Variants in AKAP12 observed in about 807,000 individuals in gnomAD.
AKAP12 encodes the protein A-kinase anchor protein 12.
AKAP12 carries 32 observed loss-of-function variants against 79.9 expected under a neutral mutation model. The observed-to-expected ratio is 0.40, with a 90% CI of 0.30 to 0.54. The LOEUF (loss-of-function observed/expected upper bound fraction) is 0.54, where lower values mean the gene tolerates loss of function less well. Among genes scored for constraint, AKAP12 ranks in the 20% least tolerant of loss-of-function variants. The probability of loss-of-function intolerance (pLI) is 0.48; values close to 1 mark genes in which losing one functional copy is unlikely to be tolerated. For missense variants in AKAP12, 2,074 were observed against 2,177.0 expected, an observed-to-expected ratio of 0.95 and a Z score of 0.94; for synonymous variants, 808 against 857.0, an observed-to-expected ratio of 0.94 and a Z score of 1.00.
intron 3 of AKAP12, among the ~76,000 whole-genome samples, chr6:151,329,520 A>G (rs1777616974): frequency 6.6e-6 from 1 of 152,262 alleles, no homozygotes; most frequent in Non-Finnish European, 1.5e-5. Flanking sequence ...AAACAGGGAC[A>G]TTATTCTTTA....
intron 2 of AKAP12, among the ~76,000 whole-genome samples, chr6:151,256,840 G>T (rs1322084761): frequency 1.3e-5 from 2 of 151,550 alleles, no homozygotes; most frequent in Non-Finnish European, 2.9e-5. Context: ...AGTAGAGACG[G>T]GTTTTACCAT....
At position 151,357,676 on chromosome 6, in the gene AKAP12, C is replaced by G. The variant is rs1778476272; in HGVS notation, c.*1962C>G. On this transcript the variant is annotated 3_prime_UTR_variant, in exon 5 of 5. Coordinates refer to ENST00000402676, the MANE Select transcript of AKAP12 (RefSeq NM_005100.4). Reference sequence around the variant, plus strand: ...TACCCATGCATCATTATTAAAATCCCCAAATTCAAAAAACCTCTGATATAT... The same window carrying G: ...TACCCATGCATCATTATTAAAATCCGCAAATTCAAAAAACCTCTGATATAT... 1 of 150,094 alleles carries G rather than the reference C, an allele frequency of 6.7e-6. No homozygotes were observed. Among genetic ancestry groups the G allele is most frequent in the African/African-American group, 2.4e-5 (1 of 41,006 alleles). The allele number at this position is 150,094 out of a possible 1,614,324, so 9.3% of individuals were successfully genotyped here. A position where few individuals can be genotyped will look rare whatever the true frequency, so the allele number is the denominator to read the frequency against.
chr6:151,328,139 A>G (rs1380837548), intron 3 of AKAP12, among the ~76,000 whole-genome samples: 1 of 151,296 alleles, frequency 6.6e-6, no homozygotes, highest in Non-Finnish European at 1.5e-5. Flanking sequence ...CATCCTGGCT[A>G]ACACGGTGAA....
chr6:151,247,367 C>A (rs1229355072), intron 2 of AKAP12, among the ~76,000 whole-genome samples: 1 of 152,046 alleles, frequency 6.6e-6, no homozygotes, highest in Non-Finnish European at 1.5e-5. Context: ...TGCTACTGCA[C>A]TACAGCCTGG....
chr6:151,314,387 G>C (rs1489407564), intron 3 of AKAP12, among the ~76,000 whole-genome samples: 1 of 152,098 alleles, frequency 6.6e-6, no homozygotes, highest in African/African-American at 2.4e-5. Flanking sequence ...TAAACAAAAA[G>C]TTCAAGGGGG....
At chr6:151,337,995 C>G (rs1271749655) in intron 3 of AKAP12, among the ~76,000 whole-genome samples, 1 of 152,142 alleles carries the variant, frequency 6.6e-6, no homozygotes, top group Non-Finnish European at 1.5e-5. Context: ...CAAGATGACG[C>G]CATGGTACTC....
chr6:151,270,514 TG>T (rs1306602747), intron 2 of AKAP12, among the ~76,000 whole-genome samples: 2 of 152,240 alleles, frequency 1.3e-5, no homozygotes, highest in Non-Finnish European at 2.9e-5. Context: ...ATTCTTTGCC[TG>T]AACGTAAATG....
chr6:151,305,954 T>C, intron 3 of AKAP12, 51 bp downstream of exon 3: 2 of 1,542,902 alleles, frequency 1.3e-6, no homozygotes, highest in East Asian at 2.4e-5. Flanking sequence ...GCAACAAACT[T>C]TGGACTCAGC....
intron 2 of AKAP12, among the ~76,000 whole-genome samples, chr6:151,296,449 C>G (rs1402374293): frequency 6.6e-6 from 1 of 152,112 alleles, no homozygotes. Context: ...TCCTGATTGC[C>G]TTAGCAGTGC....
At chr6:151,293,996 G>A (rs1973911) in intron 2 of AKAP12, among the ~76,000 whole-genome samples, 137,790 of 151,146 alleles carry the variant, frequency 0.91, 63,180 homozygotes, top group East Asian at 1. Context: ...TTTTTTTGAG[G>A]CGAGGTCTTG....
At chr6:151,353,854 A>G in intron 4 of AKAP12, 102 bp downstream of exon 4, 1 of 737,084 alleles carries the variant, frequency 1.4e-6, no homozygotes, top group Non-Finnish European at 2.2e-6. Flanking sequence ...GCCTTCGTGT[A>G]GAACCTTCAG....
At chr6:151,294,495 G>T (rs1301874113) in intron 2 of AKAP12, among the ~76,000 whole-genome samples, 1 of 152,176 alleles carries the variant, frequency 6.6e-6, no homozygotes, top group Non-Finnish European at 1.5e-5. Flanking sequence ...CTTCCAGTTG[G>T]ATTTAATGAG....
At position 151,277,307 on chromosome 6, in the gene AKAP12, TAA is replaced by T. The variant is rs1247028206; in HGVS notation, c.163-28437_163-28436del. 3.9e-5 allele frequency among the ~76,000 whole-genome samples: 6 copies of T among 152,336 alleles called. No individual in the cohort carries two copies. The East Asian group carries it at 1.2e-3, about 29-fold the overall frequency. On this transcript the variant is annotated intron_variant, in intron 2 of 4. Coordinates refer to ENST00000402676, the MANE Select transcript of AKAP12 (RefSeq NM_005100.4). ...GTAAGCAATATGTATGCTCTTGATT[TAA>T]AAGACAGCCTGGATTTTATCTTTTG...
At chr6:151,261,478 G>A (rs1231834724) in intron 2 of AKAP12, among the ~76,000 whole-genome samples, 1 of 152,126 alleles carries the variant, frequency 6.6e-6, no homozygotes, top group Non-Finnish European at 1.5e-5. Context: ...ATCAACTGAG[G>A]TCGGGAGTTC....
intron 2 of AKAP12, among the ~76,000 whole-genome samples, chr6:151,252,837 T>A (rs989592087): frequency 4.0e-5 from 6 of 151,716 alleles, no homozygotes; most frequent in African/African-American, 1.5e-4. Flanking sequence ...GACTGTTCTA[T>A]CCCAGCATGG....
Position 151,350,732 on chromosome 6 carries a change from G to A in AKAP12, c.2341G>A (p.Glu781Lys), listed in dbSNP as rs377614585. 39 of 1,614,016 alleles carry A rather than the reference G, an allele frequency of 2.4e-5. No individual in the cohort carries two copies. The highest frequency in any genetic ancestry group is 2.8e-5 in the Non-Finnish European group (33 of 1,180,002). The change falls in exon 4 of 5, where the codon GAA becomes AAA. Residue 781 changes from glutamate to lysine, a missense_variant. Around this residue, in one of 3 missense-constraint regions of AKAP12, gnomAD observed 1,428 missense variants for 1,451.0 expected, o/e 0.98. Transcript: ENST00000402676. The surrounding 1 kb of genome is among the most constrained non-coding windows in gnomAD (Gnocchi z 4.8). ...AAAGTCCAAGCTGGAAGAGAAAAGC[G>A]AAGACTCCATAGCTGGGTCTGGTGT... Reference protein sequence around the residue: ...KSKSKLEEKSEDSIAGSGVEH... With the variant: ...KSKSKLEEKSKDSIAGSGVEH...
At position 151,351,572 on chromosome 6, in the gene AKAP12, G is replaced by A; in HGVS notation, c.3181G>A (p.Gly1061Arg). Reference sequence around the variant, plus strand: ...GGAATCCCAGCTGCCTGGCACCGGTGGGCCAGAAGATGTGCTTCAGCCTGT... The same window carrying A: ...GGAATCCCAGCTGCCTGGCACCGGTAGGCCAGAAGATGTGCTTCAGCCTGT... ...KEESQLPGTGGPEDVLQPVQR... is the reference protein window; with the variant it reads ...KEESQLPGTGRPEDVLQPVQR... The change falls in exon 4 of 5, where the codon GGG (glycine) becomes AGG (arginine). Residue 1061 changes from glycine to arginine, a missense_variant. Coordinates refer to ENST00000402676, the MANE Select transcript of AKAP12 (RefSeq NM_005100.4). The surrounding 1 kb of genome is among the most constrained non-coding windows in gnomAD (Gnocchi z 4.4). The A allele has an allele frequency of 6.2e-7, 1 of 1,614,150 alleles. No individual in the cohort carries two copies. Among genetic ancestry groups the A allele is most frequent in the Non-Finnish European group, 8.5e-7 (1 of 1,180,038 alleles).
chr6:151,347,402 G>A (rs951216088), intron 3 of AKAP12, among the ~76,000 whole-genome samples: 1 of 152,182 alleles, frequency 6.6e-6, no homozygotes, highest in Non-Finnish European at 1.5e-5. Flanking sequence ...TTCCTGTTAA[G>A]TGGGAAGTTA....
chr6:151,278,798 G>C (rs901844365), intron 2 of AKAP12, among the ~76,000 whole-genome samples: 3 of 152,032 alleles, frequency 2.0e-5, no homozygotes, highest in Admixed American at 6.5e-5. Flanking sequence ...CTCCCGAGTA[G>C]CTGGGAGTAC....
Sources: allele counts gnomAD v4.1 joint callset (sites outside exome capture counted in the v4.1 genomes callset), GRCh38; gene constraint gnomAD v4.1.1; regional missense constraint gnomAD v4.1.1; non-coding constraint Gnocchi (gnomAD v3.1); transcripts MANE v1.5; gene names NCBI Gene and HGNC (gene_info 2026-07-23, HGNC 2026-07-21).